Variants in LIMA1 observed in about 807,000 individuals in gnomAD.
LIMA1 encodes LIM domain and actin binding 1, also known as LIM domain and actin-binding protein 1.
LIMA1 carries 52 observed loss-of-function variants against 62.6 expected under a neutral mutation model. That is an observed-to-expected ratio of 0.83 (90% CI 0.67 to 1.05). LIMA1 has a LOEUF of 1.05. LIMA1 is among the 50% of genes least tolerant of loss of function. The pLI, the probability that LIMA1 is intolerant of heterozygous loss-of-function variation, is 0.00. For missense variants in LIMA1, 780 were observed against 902.2 expected, an observed-to-expected ratio of 0.86 and a Z score of 1.74; for synonymous variants, 302 against 317.8, an observed-to-expected ratio of 0.95 and a Z score of 0.53.
intron 10 of LIMA1, among the ~76,000 whole-genome samples, chr12:50,178,972 TTTTTC>T (rs1940424270): frequency 6.7e-6 from 1 of 150,348 alleles, no homozygotes; most frequent in East Asian, 1.9e-4. Flanking sequence ...ATATATTTTT[TTTTTC>T]TTTTTCTTTT....
At chr12:50,255,719 A>G (rs1424674599) in intron 1 of LIMA1, among the ~76,000 whole-genome samples, 3 of 129,720 alleles carry the variant, frequency 2.3e-5, no homozygotes, top group African/African-American at 5.8e-5. Context: ...GAGCAATTAA[A>G]AGAAAAAAAA....
At chr12:50,201,481 A>C in intron 6 of LIMA1, 1 of 982,226 alleles carries the variant, frequency 1.0e-6, no homozygotes, top group Non-Finnish European at 1.2e-6. Context: ...TACTTCTCAA[A>C]ACAGAGCCTC....
intron 2 of LIMA1, among the ~76,000 whole-genome samples, chr12:50,247,133 G>A (rs927664692): frequency 6.6e-6 from 1 of 151,918 alleles, no homozygotes; most frequent in Non-Finnish European, 1.5e-5. Flanking sequence ...GTGAAACCCT[G>A]TCTCAACATT....
At chr12:50,208,816 T>C (rs913693771) in intron 4 of LIMA1, among the ~76,000 whole-genome samples, 1 of 151,786 alleles carries the variant, frequency 6.6e-6, no homozygotes, top group African/African-American at 2.4e-5. Context: ...AAGACTAGCC[T>C]GGGCAACATA....
chr12:50,226,169 C>A (rs187194109), intron 3 of LIMA1, among the ~76,000 whole-genome samples: 2 of 152,236 alleles, frequency 1.3e-5, no homozygotes, highest in African/African-American at 4.8e-5. Flanking sequence ...ACCTCTGCCT[C>A]CCAAGTATCT....
At chr12:50,279,816 A>T (rs921651120) in intron 1 of LIMA1, among the ~76,000 whole-genome samples, 10 of 152,200 alleles carry the variant, frequency 6.6e-5, no homozygotes, top group Non-Finnish European at 1.0e-4. Context: ...AAGCTGAGCA[A>T]ATGTTACCTG....
intron 3 of LIMA1, chr12:50,222,698 A>C: frequency 6.8e-7 from 1 of 1,472,804 alleles, no homozygotes; most frequent in Non-Finnish European, 9.0e-7. Flanking sequence ...CAGGAGCTGA[A>C]GCAGGAAGTG....
At chr12:50,187,085 T>C (rs1940648180) in intron 9 of LIMA1, 1 of 152,220 alleles carries the variant, frequency 6.6e-6, no homozygotes, top group Non-Finnish European at 1.5e-5. Context: ...ATAATTGATG[T>C]TCATAAATAC....
Position 50,177,087 on chromosome 12 carries a change from C to G in LIMA1, c.2257G>C (p.Asp753His), listed in dbSNP as rs376424459. 28 of 1,589,032 alleles carry G rather than the reference C, an allele frequency of 1.8e-5. No individual in the cohort carries two copies. Among genetic ancestry groups the G allele is most frequent in the Non-Finnish European group, 2.4e-5 (28 of 1,168,700 alleles). ...TGTCACTCTTCATCCTCATCCTCAT[C>G]ATAATACCGATTTCTCTTTATCTGT... ...EEQIKRNRYY[D>H]EDEDEE Residue 753 changes from aspartate to histidine, a missense_variant, in exon 11 of 11, where the codon GAT (aspartate) becomes CAT (histidine). Physicochemically the swap from Asp to His is moderately conservative, Grantham distance 81. Transcript: ENST00000341247.
rs1311200924 is a variant in LIMA1 at position 50,178,083 on chromosome 12, A to C, written c.1275-14T>G. On this transcript the variant is annotated splice_polypyrimidine_tract_variant and intron_variant, in intron 10 of 10. Coordinates refer to ENST00000341247, the MANE Select transcript of LIMA1 (RefSeq NM_016357.5). ...TATGTTCCTAGACTGTCATTAAAAG[A>C]AAAAAAGCATAAACTTAGCAAATCT... 1 of 1,417,754 alleles carries C rather than the reference A, an allele frequency of 7.1e-7. No homozygotes were observed. The highest frequency in any genetic ancestry group is 1.5e-5 in the African/African-American group (1 of 68,074). 87.8% of individuals were successfully genotyped at this position (1,417,754 alleles called of 1,614,324 possible).
intron 4 of LIMA1, among the ~76,000 whole-genome samples, chr12:50,214,825 T>A (rs1342200329): frequency 1.3e-5 from 2 of 152,232 alleles, no homozygotes; most frequent in Non-Finnish European, 2.9e-5. Context: ...ATGCAATTAA[T>A]ACAATTATGA....
At chr12:50,195,577 C>G (rs1037311380) in intron 8 of LIMA1, 1 of 344,306 alleles carries the variant, frequency 2.9e-6, no homozygotes, top group Non-Finnish European at 5.1e-6. Context: ...GGGTTTGGTG[C>G]AAAAAGTAGG....
intron 1 of LIMA1, among the ~76,000 whole-genome samples, chr12:50,263,654 C>T (rs185925156): frequency 1.3e-5 from 2 of 151,422 alleles, no homozygotes; most frequent in East Asian, 1.9e-4. Flanking sequence ...TTAGCGAGGA[C>T]GTGGAGAAAC....
In LIMA1 at chr12:50,178,000, A is replaced by G. The variant is rs1940395250; in HGVS notation, c.1344T>C (p.Ser448=). Residue 448 remains serine (S), a synonymous_variant, in exon 11 of 11, where the codon TCT becomes TCC. Coordinates refer to ENST00000341247, the MANE Select transcript of LIMA1 (RefSeq NM_016357.5). ...CKPHFNQLFK[S]KGNYDEGFGH... is the part of the protein sequence containing the mutation. ...CAAAGCCTTCATCATAGTTGCCCTT[A>G]GATTTAAAGAGTTGATTGAAGTGAG... 3 of 1,594,998 alleles carry G rather than the reference A, an allele frequency of 1.9e-6. No homozygotes were observed. Among genetic ancestry groups the G allele is most frequent in the Non-Finnish European group, 2.6e-6 (3 of 1,173,842 alleles).
chr12:50,243,750 C>T (rs568067442), intron 2 of LIMA1, among the ~76,000 whole-genome samples: 1 of 152,292 alleles, frequency 6.6e-6, no homozygotes, highest in South Asian at 2.1e-4. Context: ...CAAACCAGTT[C>T]CATGTGTTAA....
intron 4 of LIMA1, among the ~76,000 whole-genome samples, chr12:50,218,696 A>G (rs139694178): frequency 1.6e-4 from 25 of 152,136 alleles, no homozygotes; most frequent in African/African-American, 5.8e-4. Flanking sequence ...ACTTGAGCCC[A>G]GGAGTTTAAG....
chr12:50,249,017 C>G (rs12312218), intron 1 of LIMA1, among the ~76,000 whole-genome samples: 1 of 152,230 alleles, frequency 6.6e-6, no homozygotes, highest in Non-Finnish European at 1.5e-5. Flanking sequence ...CCCCACTGTG[C>G]AAACATCAAT....
chr12:50,180,884 G>A (rs1257385608), intron 10 of LIMA1, among the ~76,000 whole-genome samples: 6 of 151,904 alleles, frequency 3.9e-5, no homozygotes, highest in South Asian at 2.1e-4. Context: ...AGGCCGAGGC[G>A]GGTGGATCAC....
At chr12:50,205,894 C>T in intron 5 of LIMA1, 90 bp downstream of exon 5, 2 of 829,938 alleles carry the variant, frequency 2.4e-6, no homozygotes, top group Non-Finnish European at 3.7e-6. Flanking sequence ...TGCCACTCTT[C>T]CTTTAAAAGC....
Sources: allele counts gnomAD v4.1 joint callset (sites outside exome capture counted in the v4.1 genomes callset), GRCh38; gene constraint gnomAD v4.1.1; transcripts MANE v1.5; gene names NCBI Gene and HGNC (gene_info 2026-07-23, HGNC 2026-07-21).